The following WRAP53 variants were observed in gnomAD, a reference collection of about 807,000 sequenced individuals.
WRAP53 encodes the protein telomerase Cajal body protein 1.
Under a neutral mutation model 56.6 loss-of-function variants are expected in WRAP53, and 28 were observed. The observed-to-expected ratio is 0.50, with a 90% CI of 0.37 to 0.68. The LOEUF is 0.68. Among genes scored for constraint, WRAP53 ranks in the 30% least tolerant of loss-of-function variants. The pLI, the probability that WRAP53 is intolerant of heterozygous loss-of-function variation, is 0.00. For missense variants in WRAP53, 671 were observed against 715.5 expected, an observed-to-expected ratio of 0.94 and a Z score of 0.71; for synonymous variants, 283 against 283.4, an observed-to-expected ratio of 1.00 and a Z score of 0.01.
At position 7,702,827 on chromosome 17, in the gene WRAP53, A is replaced by G; in HGVS notation, c.1249A>G (p.Ile417Val). 1 of 1,613,896 alleles carries G rather than the reference A, an allele frequency of 6.2e-7. No homozygotes were observed. Among genetic ancestry groups the G allele is most frequent in the South Asian group, 1.1e-5 (1 of 91,082 alleles). Reference protein sequence around the residue: ...LGREVTTNQRIYFDLDPTGQF... With the variant: ...LGREVTTNQRVYFDLDPTGQF... ...TCGAGAGGTGACCACCAATCAGCGC[A>G]TCTACTTCGATCTGGACCCGTGAGT... Residue 417 changes from isoleucine to valine, a missense_variant, in exon 9 of 11, where the codon ATC becomes GTC. Physicochemically the swap from Ile to Val is conservative, Grantham distance 29. Transcript: ENST00000396463. This position sits in a 1 kb window ranked among gnomAD's most constrained non-coding sequence, Gnocchi z 5.0.
Position 7,701,180 on chromosome 17 carries a change from C to T in WRAP53, c.732-279C>T, listed in dbSNP as rs915026929. 6.6e-6 allele frequency among the ~76,000 whole-genome samples: 1 copy of T among 152,184 alleles called. No individual in the cohort carries two copies. Among genetic ancestry groups the T allele is most frequent in the Admixed American group, 6.5e-5 (1 of 15,284 alleles). On this transcript the variant is annotated intron_variant, in intron 5 of 10. Coordinates refer to ENST00000396463, the MANE Select transcript of WRAP53 (RefSeq NM_001143992.2). The surrounding 1 kb of genome is among the most constrained non-coding windows in gnomAD (Gnocchi z 4.2). ...AGAGATGGGGTTTCACCACGTTGGC[C>T]AGGCTGGTCTCGAACTGACCTCAGG...
At chr17:7,695,733 CTCA>C (rs2074175202) in intron 4 of WRAP53, among the ~76,000 whole-genome samples, 1 of 152,180 alleles carries the variant, frequency 6.6e-6, no homozygotes, top group South Asian at 2.1e-4. Context: ...CAGGGTCTCT[CTCA>C]TCCTTTAATC....
In WRAP53 at chr17:7,697,446, C is replaced by T. The variant is rs755764193; in HGVS notation, c.643-3295C>T. 3.8e-4 allele frequency among the ~76,000 whole-genome samples: 57 copies of T among 151,866 alleles called. 1 individual carries two copies. The highest frequency in any genetic ancestry group is 3.3e-4 in the Admixed American group (5 of 15,250). Reference sequence around the variant, plus strand: ...GCCGAGGTAGGCAGATCACTTGAGGCTGGGAGTTTGAGACCAGCCTGGCCA... The same window carrying T: ...GCCGAGGTAGGCAGATCACTTGAGGTTGGGAGTTTGAGACCAGCCTGGCCA... On this transcript the variant is annotated intron_variant, in intron 4 of 10. Coordinates refer to ENST00000396463, the MANE Select transcript of WRAP53 (RefSeq NM_001143992.2).
intron 4 of WRAP53, among the ~76,000 whole-genome samples, chr17:7,699,112 T>C (rs1014647806): frequency 6.6e-6 from 1 of 151,038 alleles, no homozygotes; most frequent in South Asian, 2.1e-4. Flanking sequence ...AGATACTGTT[T>C]TTTTTCCCAT....
chr17:7,695,233 G>C lies in WRAP53; in HGVS notation c.643-5508G>C, dbSNP rs1285623076. Among the ~76,000 whole-genome samples the C allele has an allele frequency of 2.6e-5, 4 of 152,160 alleles. No individual in the cohort carries two copies. The East Asian group carries it at 7.7e-4, about 29-fold the overall frequency. On this transcript the variant is annotated intron_variant, in intron 4 of 10. Coordinates refer to ENST00000396463, the MANE Select transcript of WRAP53 (RefSeq NM_001143992.2). ...GCCTCTCAAAGTGCTGGGATTACAGGCGTGAGCCACTGCACCCGGCCTTAA... is the reference window on the plus strand; with the variant it reads ...GCCTCTCAAAGTGCTGGGATTACAGCCGTGAGCCACTGCACCCGGCCTTAA...
At chr17:7,691,351 G>GT (rs1324582696) in intron 4 of WRAP53, among the ~76,000 whole-genome samples, 1 of 151,708 alleles carries the variant, frequency 6.6e-6, no homozygotes, top group Non-Finnish European at 1.5e-5. Context: ...GTTCTTATGG[G>GT]TAAGGCATTT....
At chr17:7,699,525 TATA>T (rs2074246379) in intron 4 of WRAP53, among the ~76,000 whole-genome samples, 1 of 58,580 alleles carries the variant, frequency 1.7e-5, no homozygotes, top group South Asian at 5.5e-4. Context: ...TATATATTTA[TATA>T]TATATATATA....
upstream of WRAP53, chr17:7,686,130 G>C (rs1026965038): frequency 1.3e-5 from 2 of 152,246 alleles, no homozygotes; most frequent in Admixed American, 1.3e-4. Flanking sequence ...GCTGCACGGA[G>C]GACCACACGG....
chr17:7,703,302 C>T lies in WRAP53; in HGVS notation c.1463C>T (p.Pro488Leu), dbSNP rs1360292409. ...TCCGGTCAGCGTGTGTTTCCTGAGC[C>T]CACAGAGAGTGGGGACGAAGGAGAG... ...TASGQRVFPE[P>L]TESGDEGEEL... The change falls in exon 11 of 11, where the codon CCC (proline) becomes CTC (leucine). Residue 488 changes from proline to leucine, a missense_variant. Physicochemically the swap from Pro to Leu is moderately conservative, Grantham distance 98 (BLOSUM62 -3). Around this residue, in one of 3 missense-constraint regions of WRAP53, gnomAD observed 107 missense variants for 81.3 expected, o/e 1.32. Coordinates refer to ENST00000396463, the MANE Select transcript of WRAP53 (RefSeq NM_001143992.2). 1 of 1,613,918 alleles carries T rather than the reference C, an allele frequency of 6.2e-7. No individual in the cohort carries two copies. Among genetic ancestry groups the T allele is most frequent in the East Asian group, 2.2e-5 (1 of 44,862 alleles).
At chr17:7,693,467 C>T (rs1037224212) in intron 4 of WRAP53, among the ~76,000 whole-genome samples, 12 of 152,086 alleles carry the variant, frequency 7.9e-5, no homozygotes, top group Non-Finnish European at 1.8e-4. Context: ...GCCTATAATC[C>T]CAGCACTTTG....
chr17:7,696,612 T>G (rs2074189964), intron 4 of WRAP53, among the ~76,000 whole-genome samples: 1 of 152,072 alleles, frequency 6.6e-6, no homozygotes. Context: ...CTCAGAGATT[T>G]TTATGGGAAT....
intron 4 of WRAP53, among the ~76,000 whole-genome samples, chr17:7,696,988 G>A (rs2074194472): frequency 6.6e-6 from 1 of 152,162 alleles, no homozygotes; most frequent in Non-Finnish European, 1.5e-5. Context: ...GACAACTGAC[G>A]AAGGACAGTG....
chr17:7,701,072 A>G lies in WRAP53; in HGVS notation c.731+243A>G, dbSNP rs1179752189. Reference sequence around the variant, plus strand: ...ACTGCAACCTCCGCCTCCCAGGTTGAAGTGATTCTCCTGCCTCAGCCTCCT... The same window carrying G: ...ACTGCAACCTCCGCCTCCCAGGTTGGAGTGATTCTCCTGCCTCAGCCTCCT... On this transcript the variant is annotated intron_variant, in intron 5 of 10. Coordinates refer to ENST00000396463, the MANE Select transcript of WRAP53 (RefSeq NM_001143992.2). This position sits in a 1 kb window ranked among gnomAD's most constrained non-coding sequence, Gnocchi z 4.2. Among the ~76,000 whole-genome samples, 1 of 151,950 alleles carries G rather than the reference A, an allele frequency of 6.6e-6. No individual in the cohort carries two copies. The highest frequency in any genetic ancestry group is 1.5e-5 in the Non-Finnish European group (1 of 67,972).
At chr17:7,692,620 CA>C (rs1178226250) in intron 4 of WRAP53, among the ~76,000 whole-genome samples, 2,431 of 59,048 alleles carry the variant, frequency 0.041, 32 homozygotes, top group African/African-American at 0.13. Flanking sequence ...GACTCCGTCT[CA>C]AAAAAAAAAA....
upstream of WRAP53, chr17:7,687,108 C>T (rs869312655): frequency 2.0e-4 from 80 of 392,740 alleles, no homozygotes; most frequent in Middle Eastern, 1.3e-3. Context: ...TTTAGGCCGG[C>T]TCAAGGTTCC....
intron 10 of WRAP53, 54 bp from the exon 11 acceptor site, chr17:7,703,189 G>A (rs1391614966): frequency 1.2e-6 from 2 of 1,613,268 alleles, no homozygotes; most frequent in East Asian, 4.5e-5. Flanking sequence ...AATCCCAGAG[G>A]GAGCAAGTGT....
rs1244279335 is a variant in WRAP53 at position 7,688,692 on chromosome 17, C to T, written c.44C>T (p.Pro15Leu). The T allele has an allele frequency of 1.9e-6, 3 of 1,614,216 alleles. No individual in the cohort carries two copies. The highest frequency in any genetic ancestry group is 2.2e-5 in the South Asian group (2 of 91,086). ...ETQPLAPDCC[P>L]SDQDPAPAHP... ...CAACCGTTAGCTCCGGACTGCTGTC[C>T]TTCAGACCAGGACCCAGCTCCAGCC... is the stretch of plus-strand genomic sequence containing the variant. Residue 15 changes from proline (P) to leucine (L), a missense_variant, in exon 2 of 11, where the codon CCT becomes CTT. This residue lies in a region of WRAP53 where 406 missense variants were observed against 418.5 expected (regional missense o/e 0.97). Transcript: ENST00000396463.
At chr17:7,694,272 C>G (rs892010865) in intron 4 of WRAP53, among the ~76,000 whole-genome samples, 2 of 123,682 alleles carry the variant, frequency 1.6e-5, no homozygotes, top group African/African-American at 6.4e-5. Flanking sequence ...GAGACAGAGT[C>G]TCGCTCTGTG....
chr17:7,688,385 A>C, upstream of WRAP53: 1 of 537,506 alleles, frequency 1.9e-6, no homozygotes, highest in Non-Finnish European at 3.3e-6. Context: ...CGCCCGCGAA[A>C]TCTGATCCGG....
Sources: gnomAD v4.1 joint callset for allele counts (sites outside exome capture counted in the v4.1 genomes callset) on GRCh38, gnomAD v4.1.1 for gene constraint, gnomAD v4.1.1 regional missense constraint, Gnocchi (gnomAD v3.1) non-coding constraint, MANE v1.5 for transcripts, NCBI Gene and HGNC (gene_info 2026-07-23, HGNC 2026-07-21) for gene names.